PEPD: variants seen among roughly 807,000 people sequenced by gnomAD.
PEPD encodes peptidase D.
PEPD carries 53 observed loss-of-function variants against 60.7 expected under a neutral mutation model. That is an observed-to-expected ratio of 0.87 (90% CI 0.70 to 1.10). The LOEUF (loss-of-function observed/expected upper bound fraction) is 1.10, where lower values mean the gene tolerates loss of function less well. PEPD is among the 50% of genes least tolerant of loss of function. PEPD has a pLI of 0.00. For synonymous variants in PEPD, 267 were observed against 284.1 expected (o/e 0.94, Z 0.60); for missense variants, 711 against 711.9 (o/e 1.00, Z 0.01).
intron 5 of PEPD, 150 bp from the exon 6 acceptor site, chr19:33,490,207 C>G: frequency 3.0e-6 from 2 of 670,930 alleles, no homozygotes; most frequent in Non-Finnish European, 5.5e-6. Flanking sequence ...CCAGGTAGCT[C>G]CAGGCCCGGC....
Position 33,401,876 on chromosome 19 carries a change from A to G in PEPD, c.819-7T>C. The stretch of plus-strand genomic sequence containing the variant: ...ACCGCCCATGTCGAACAGGCTGCGG[A>G]GAGAGGAAGGCAGGGCAAGTGGGTA... On this transcript the variant is annotated splice_polypyrimidine_tract_variant and splice_region_variant and intron_variant, in intron 11 of 14. Transcript: ENST00000244137. The G allele has an allele frequency of 6.2e-7, 1 of 1,612,784 alleles. No individual in the cohort carries two copies.
rs558927793 is a variant in PEPD at position 33,517,669 on chromosome 19, AGAATGTGGAGCCACTGGCCAGGTGCG to A, written c.17+4049_17+4074del. ...ACAGACAAGGAAAGATCTCTGCACT[AGAATGTGGAGCCACTGGCCAGGTGCG>A]GTGGCTCACGCCTGTAATACCAGCA... On this transcript the variant is annotated intron_variant, in intron 1 of 14. Coordinates refer to ENST00000244137, the MANE Select transcript of PEPD (RefSeq NM_000285.4). 2.2e-4 allele frequency among the ~76,000 whole-genome samples: 33 copies of A among 151,772 alleles called. No individual in the cohort carries two copies. In the South Asian group the frequency reaches 6.7e-3, roughly 31 times the overall value.
intron 6 of PEPD, among the ~76,000 whole-genome samples, chr19:33,489,307 T>C (rs768981213): frequency 2.0e-5 from 3 of 151,618 alleles, no homozygotes; most frequent in African/African-American, 2.4e-5. Context: ...GAGAGCCGGG[T>C]TGGAAGGGGT....
intron 9 of PEPD, among the ~76,000 whole-genome samples, chr19:33,444,215 C>T (rs1969546852): frequency 6.6e-6 from 1 of 152,118 alleles, no homozygotes; most frequent in African/African-American, 2.4e-5. Flanking sequence ...AGCGCATACA[C>T]CACATACATG....
At chr19:33,437,958 G>C (rs1018361206) in intron 9 of PEPD, among the ~76,000 whole-genome samples, 1 of 152,196 alleles carries the variant, frequency 6.6e-6, no homozygotes. Flanking sequence ...TGAAGTCACA[G>C]CAGAGCCAGA....
At chr19:33,478,495 T>A (rs1342827694) in intron 6 of PEPD, among the ~76,000 whole-genome samples, 1 of 152,108 alleles carries the variant, frequency 6.6e-6, no homozygotes, top group Non-Finnish European at 1.5e-5. Flanking sequence ...CCAAGTAGGA[T>A]AAATTCAAAG....
intron 11 of PEPD, among the ~76,000 whole-genome samples, chr19:33,405,996 A>T (rs1968614315): frequency 6.6e-6 from 1 of 152,208 alleles, no homozygotes; most frequent in Non-Finnish European, 1.5e-5. Context: ...CATTTTATGC[A>T]TGACATGGAC....
At chr19:33,510,448 G>A (rs1480153555) in intron 3 of PEPD, among the ~76,000 whole-genome samples, 1 of 152,190 alleles carries the variant, frequency 6.6e-6, no homozygotes, top group East Asian at 1.9e-4. Flanking sequence ...GGCGATGTCT[G>A]ATTTACATAG....
At position 33,401,672 on chromosome 19, in the gene PEPD, C is replaced by T. The variant is rs538355854; in HGVS notation, c.967+49G>A. 4.3e-4 allele frequency: 668 copies of T among 1,561,960 alleles called. 9 individuals are homozygous for T. The South Asian group carries it at 7.2e-3, about 17-fold the overall frequency. On this transcript the variant is annotated intron_variant, in intron 12 of 14. Coordinates refer to ENST00000244137, the MANE Select transcript of PEPD (RefSeq NM_000285.4). The stretch of plus-strand genomic sequence containing the variant: ...TGCAGGCACCTGCCACATAGCAGCG[C>T]CCCCAACGCCACGTCAGATGCGCCT...
At chr19:33,390,403 TA>T (rs2145325521) in intron 13 of PEPD, among the ~76,000 whole-genome samples, 1 of 152,272 alleles carries the variant, frequency 6.6e-6, no homozygotes, top group South Asian at 2.1e-4. Flanking sequence ...AGGAAAAAAA[TA>T]ATTGAATAAT....
At position 33,495,587 on chromosome 19, in the gene PEPD, A is replaced by G. The variant is rs572044622; in HGVS notation, c.394-2250T>C. Among the ~76,000 whole-genome samples the G allele has an allele frequency of 3.1e-4, 47 of 152,286 alleles. 1 individual carries two copies. The highest frequency in any genetic ancestry group is 9.4e-4 in the African/African-American group (39 of 41,548). ...CAAGGTTTACCATGCTCCTGGCCCA[A>G]TGATCCTCCAGACATGTATCAACAA... On this transcript the variant is annotated intron_variant, in intron 4 of 14. Coordinates refer to ENST00000244137, the MANE Select transcript of PEPD (RefSeq NM_000285.4).
At chr19:33,428,664 GGCAAGTCCCTCC>G (rs1969204726) in intron 9 of PEPD, among the ~76,000 whole-genome samples, 3 of 152,156 alleles carry the variant, frequency 2.0e-5, no homozygotes, top group Non-Finnish European at 4.4e-5. Flanking sequence ...GCCCTCTGTA[GGCAAGTCCCTCC>G]CCACACTTCT....
intron 9 of PEPD, 41 bp downstream of exon 9, chr19:33,462,954 T>G (rs906654365): frequency 1.6e-5 from 21 of 1,352,160 alleles, no homozygotes; most frequent in Non-Finnish European, 2.2e-5. Flanking sequence ...AATTACTGTT[T>G]TTTACCTTTT....
intron 6 of PEPD, among the ~76,000 whole-genome samples, chr19:33,489,144 T>C (rs943028350): frequency 6.6e-6 from 1 of 152,158 alleles, no homozygotes; most frequent in East Asian, 1.9e-4. Flanking sequence ...CGTCTTTCCC[T>C]GTGCCCAAGG....
chr19:33,387,249 G>T lies in PEPD; in HGVS notation c.*95C>A. 6.9e-7 allele frequency: 1 copy of T among 1,441,104 alleles called. No individual in the cohort carries two copies. The highest frequency in any genetic ancestry group is 1.2e-5 in the South Asian group (1 of 85,746). 89.3% of individuals were successfully genotyped at this position (1,441,104 alleles called of 1,614,324 possible). A position where few individuals can be genotyped will look rare whatever the true frequency, so the allele number is the denominator to read the frequency against. On this transcript the variant is annotated 3_prime_UTR_variant, in exon 15 of 15. Transcript: ENST00000244137. ...AAGCTGGGATCTGATTCTGGGTGCCGTCTCTCGCTACTGGAGTGCTGACCA... is the reference window on the plus strand; with the variant it reads ...AAGCTGGGATCTGATTCTGGGTGCCTTCTCTCGCTACTGGAGTGCTGACCA...
chr19:33,457,744 T>C (rs1023279144), intron 9 of PEPD, among the ~76,000 whole-genome samples: 4 of 152,212 alleles, frequency 2.6e-5, no homozygotes, highest in Non-Finnish European at 5.9e-5. Flanking sequence ...TCTCCTGACT[T>C]TGTGATCTGC....
chr19:33,450,509 G>A (rs1969678432), intron 9 of PEPD, among the ~76,000 whole-genome samples: 1 of 152,182 alleles, frequency 6.6e-6, no homozygotes, highest in Non-Finnish European at 1.5e-5. Context: ...ACCCACTGAA[G>A]CCACCATTCA....
intron 4 of PEPD, among the ~76,000 whole-genome samples, chr19:33,496,471 C>T (rs371939358): frequency 4.6e-5 from 7 of 152,170 alleles, no homozygotes; most frequent in Non-Finnish European, 8.8e-5. Flanking sequence ...AAACCTCTCC[C>T]GACCTGGCAG....
intron 5 of PEPD, among the ~76,000 whole-genome samples, chr19:33,491,678 C>T (rs973808799): frequency 1.3e-5 from 2 of 152,036 alleles, no homozygotes; most frequent in African/African-American, 2.4e-5. Context: ...GTATTTGTCC[C>T]GATTGGCTAG....
Sources: gnomAD v4.1 joint callset for allele counts (sites outside exome capture counted in the v4.1 genomes callset) on GRCh38, gnomAD v4.1.1 for gene constraint, MANE v1.5 for transcripts, NCBI Gene and HGNC (gene_info 2026-07-23, HGNC 2026-07-21) for gene names.